The following STK32B variants were observed in gnomAD, a reference collection of about 807,000 sequenced individuals.
STK32B encodes the protein serine/threonine kinase 32B, also known as serine/threonine-protein kinase 32B.
Under a neutral mutation model 52.6 loss-of-function variants are expected in STK32B, and 43 were observed. That is an observed-to-expected ratio of 0.82 (90% CI 0.64 to 1.05). The LOEUF (loss-of-function observed/expected upper bound fraction) is 1.05, where lower values mean the gene tolerates loss of function less well. Ranked by LOEUF, STK32B falls within the 50% of genes least tolerant of loss-of-function variation. STK32B has a pLI of 0.00. For missense variants in STK32B, 621 were observed against 534.6 expected (o/e 1.16, Z -1.59); for synonymous variants, 238 against 204.3 (o/e 1.17, Z -1.41).
At chr4:5,487,597 C>G (rs757552581) in intron 11 of STK32B, among the ~76,000 whole-genome samples, 6 of 152,072 alleles carry the variant, frequency 3.9e-5, no homozygotes, top group African/African-American at 9.7e-5. Flanking sequence ...TGTCAACTGA[C>G]AAAAGAAATC....
intron 4 of STK32B, among the ~76,000 whole-genome samples, chr4:5,336,849 G>A (rs967235514): frequency 2.0e-5 from 3 of 152,176 alleles, no homozygotes; most frequent in African/African-American, 4.8e-5. Context: ...GAGAGCCTAC[G>A]AAGGGCACGG....
chr4:5,301,049 T>C (rs35879576), intron 3 of STK32B, among the ~76,000 whole-genome samples: 1 of 152,088 alleles, frequency 6.6e-6, no homozygotes, highest in Non-Finnish European at 1.5e-5. Flanking sequence ...ATCATATAAG[T>C]TTTATCTTTT....
chr4:5,053,239 G>C (rs1429521577), intron 1 of STK32B, among the ~76,000 whole-genome samples: 1 of 152,158 alleles, frequency 6.6e-6, no homozygotes, highest in Non-Finnish European at 1.5e-5. Flanking sequence ...GGTGATAAGG[G>C]CATTGAGAAA....
At chr4:5,491,991 A>G (rs1719776358) in intron 11 of STK32B, among the ~76,000 whole-genome samples, 2 of 152,216 alleles carry the variant, frequency 1.3e-5, no homozygotes, top group East Asian at 1.9e-4. Flanking sequence ...GCCTTGTAGT[A>G]TAGTTTGAAG....
At chr4:5,308,962 C>T (rs866080397) in intron 3 of STK32B, among the ~76,000 whole-genome samples, 7 of 151,990 alleles carry the variant, frequency 4.6e-5, no homozygotes, top group South Asian at 2.1e-4. Context: ...GTCAAATTGT[C>T]TCTGCTTGTA....
rs147736631 is a variant in STK32B, at chr4:5,389,727, G to GCC, written c.435-8473_435-8472dup. On this transcript the variant is annotated intron_variant, in intron 4 of 11. Transcript: ENST00000282908. ...AAGGGCTGTGCAATAGACTGAAAATGCCCCCCCCAAAGATGCCACATCCTA... is the reference window on the plus strand; with the variant it reads ...AAGGGCTGTGCAATAGACTGAAAATGCCCCCCCCCCAAAGATGCCACATCCTA... Among the ~76,000 whole-genome samples, 624 of 151,716 alleles carry GCC rather than the reference G, an allele frequency of 4.1e-3. 24 individuals are homozygous for GCC. In the East Asian group the frequency reaches 0.081, roughly 20 times the overall value.
chr4:5,207,934 A>G (rs1722674216), intron 3 of STK32B, among the ~76,000 whole-genome samples: 3 of 151,902 alleles, frequency 2.0e-5, no homozygotes, highest in African/African-American at 2.4e-5. Flanking sequence ...TTCTCTGTAC[A>G]TTTATTCACA....
chr4:5,435,728 A>G (rs1714005691), intron 6 of STK32B: 1 of 152,218 alleles, frequency 6.6e-6, no homozygotes. Flanking sequence ...ACCAGAGAGA[A>G]CACAACACTC....
At chr4:5,243,826 A>C (rs889674762) in intron 3 of STK32B, among the ~76,000 whole-genome samples, 2 of 152,086 alleles carry the variant, frequency 1.3e-5, no homozygotes, top group Admixed American at 6.5e-5. Context: ...TTCTGCATCT[A>C]TTGAGATAAT....
the STK32B span, among the ~76,000 whole-genome samples, chr4:5,032,476 C>CAAAAAAAAAA: frequency 2.2e-4 from 11 of 49,698 alleles, no homozygotes; most frequent in African/African-American, 4.1e-4. Context: ...GACTCCATCT[C>CAAAAAAAAAA]AAAAAAAAAA....
intron 3 of STK32B, among the ~76,000 whole-genome samples, chr4:5,194,758 A>G (rs1179907437): frequency 6.6e-6 from 1 of 152,162 alleles, no homozygotes; most frequent in African/African-American, 2.4e-5. Flanking sequence ...TCTGCTTCTG[A>G]GGAGGCCTCA....
At chr4:5,043,130 A>C in the STK32B span, among the ~76,000 whole-genome samples, 28 of 151,496 alleles carry the variant, frequency 1.8e-4, no homozygotes, top group South Asian at 8.4e-4. Flanking sequence ...AAAAAAAAAA[A>C]AAAAAACCTG....
intron 2 of STK32B, among the ~76,000 whole-genome samples, chr4:5,153,964 AT>A (rs1717586433): frequency 1.3e-5 from 2 of 152,188 alleles, no homozygotes; most frequent in African/African-American, 4.8e-5. Flanking sequence ...GTCACAGAAG[AT>A]TTTTTATAGT....
chr4:5,471,014 C>T (rs1192284566), intron 11 of STK32B, among the ~76,000 whole-genome samples: 2 of 152,204 alleles, frequency 1.3e-5, no homozygotes, highest in Non-Finnish European at 2.9e-5. Context: ...GCAGACCTGG[C>T]CATCAGCCTG....
intron 3 of STK32B, among the ~76,000 whole-genome samples, chr4:5,231,712 A>G (rs1447582447): frequency 1.3e-5 from 2 of 152,196 alleles, no homozygotes; most frequent in Non-Finnish European, 2.9e-5. Flanking sequence ...TGGAAAAGAA[A>G]AAAACTGATG....
At chr4:5,037,871 G>C in the STK32B span, among the ~76,000 whole-genome samples, 3 of 152,154 alleles carry the variant, frequency 2.0e-5, no homozygotes, top group African/African-American at 7.2e-5. Flanking sequence ...ATTCATTTCT[G>C]TTCCTGCTGG....
At chr4:5,032,023 C>G in the STK32B span, among the ~76,000 whole-genome samples, 6 of 152,194 alleles carry the variant, frequency 3.9e-5, no homozygotes, top group East Asian at 1.2e-3. Context: ...CTGAATGATT[C>G]ACCAAGCAGA....
chr4:5,415,573 G>A (rs922357022), intron 5 of STK32B, among the ~76,000 whole-genome samples: 1 of 152,194 alleles, frequency 6.6e-6, no homozygotes, highest in African/African-American at 2.4e-5. Flanking sequence ...TGCCTAGGTA[G>A]GAATACTGTG....
In STK32B at chr4:5,190,611, C is replaced by T. The variant is rs143840765; in HGVS notation, c.260+22161C>T. Among the ~76,000 whole-genome samples the T allele has an allele frequency of 3.2e-3, 481 of 152,240 alleles. 4 individuals are homozygous for T. The highest frequency in any genetic ancestry group is 0.011 in the African/African-American group (449 of 41,532). On this transcript the variant is annotated intron_variant, in intron 3 of 11. Transcript: ENST00000282908. ...GTCATAGCTCACCCTGAAGAGTGCC[C>T]GCTTTCTCATTCTGGACACGGAGAT...
Sources: gnomAD v4.1 joint callset for allele counts (sites outside exome capture counted in the v4.1 genomes callset) on GRCh38, gnomAD v4.1.1 for gene constraint, MANE v1.5 for transcripts, NCBI Gene and HGNC (gene_info 2026-07-23, HGNC 2026-07-21) for gene names.